CAMTA1: variants seen among roughly 807,000 people sequenced by gnomAD.
CAMTA1 encodes the protein calmodulin-binding transcription activator 1.
In CAMTA1, 27 loss-of-function variants were observed where a neutral mutation model predicts 170.9. The observed-to-expected ratio is 0.16, with a 90% CI of 0.12 to 0.22. CAMTA1 has a LOEUF of 0.22. Ranked by LOEUF, CAMTA1 falls within the 10% of genes least tolerant of loss-of-function variation. The pLI, the probability that CAMTA1 is intolerant of heterozygous loss-of-function variation, is 1.00. For missense variants in CAMTA1, 1,619 were observed against 2,217.2 expected (o/e 0.73, Z 5.42); for synonymous variants, 833 against 891.5 (o/e 0.93, Z 1.17).
intron 3 of CAMTA1, among the ~76,000 whole-genome samples, chr1:6,949,390 C>A (rs1483399227): frequency 6.6e-6 from 1 of 152,236 alleles, no homozygotes; most frequent in African/African-American, 2.4e-5. Context: ...GCAGGGGGTC[C>A]CCATTCTATA....
At chr1:7,745,114 C>A in intron 17 of CAMTA1, 92 bp downstream of exon 17, 1 of 1,179,354 alleles carries the variant, frequency 8.5e-7, no homozygotes, top group South Asian at 1.5e-5. Flanking sequence ...AATGCCGTGT[C>A]ATAGAAGACC....
chr1:6,824,596 A>G (rs1466000904), intron 2 of CAMTA1, among the ~76,000 whole-genome samples: 7 of 152,140 alleles, frequency 4.6e-5, no homozygotes, highest in Admixed American at 3.9e-4. Context: ...TTATATTTAT[A>G]AGATTTGTGA....
intron 3 of CAMTA1, among the ~76,000 whole-genome samples, chr1:6,925,153 A>G (rs972082071): frequency 2.0e-5 from 3 of 152,156 alleles, no homozygotes; most frequent in Non-Finnish European, 4.4e-5. Context: ...GAGCATGGGG[A>G]CTTGGAGAAG....
chr1:7,506,473 T>C (rs2094112414), intron 6 of CAMTA1, among the ~76,000 whole-genome samples: 1 of 151,244 alleles, frequency 6.6e-6, no homozygotes, highest in African/African-American at 2.4e-5. Context: ...ATACTAACAC[T>C]CAAAATTCAC....
At chr1:7,027,774 A>G (rs981798155) in intron 3 of CAMTA1, among the ~76,000 whole-genome samples, 5 of 152,208 alleles carry the variant, frequency 3.3e-5, no homozygotes, top group Admixed American at 6.5e-5. Context: ...GGATGCAGCC[A>G]TCTGTCTTCC....
At chr1:7,472,190 G>C (rs575215971) in intron 6 of CAMTA1, among the ~76,000 whole-genome samples, 1 of 152,198 alleles carries the variant, frequency 6.6e-6, no homozygotes, top group Admixed American at 6.5e-5. Context: ...GCAAGAGCAC[G>C]GCTGCGGGGA....
chr1:6,820,074 T>G, intron 1 of CAMTA1, 107 bp from the exon 2 acceptor site: 1 of 711,240 alleles, frequency 1.4e-6, no homozygotes, highest in Admixed American at 2.0e-5. Context: ...GTCTGATGTT[T>G]CCTCATGATT....
chr1:7,439,784 G>A (rs1176509629), intron 5 of CAMTA1, among the ~76,000 whole-genome samples: 1 of 152,238 alleles, frequency 6.6e-6, no homozygotes, highest in Middle Eastern at 3.2e-3. Flanking sequence ...ATGAAGGGGT[G>A]AAGGGAGGGA....
chr1:7,756,743 G>C (rs942169769), intron 22 of CAMTA1, among the ~76,000 whole-genome samples: 5 of 152,188 alleles, frequency 3.3e-5, no homozygotes, highest in South Asian at 4.1e-4. Flanking sequence ...AGCTACTCCG[G>C]AGACTGAGGT....
intron 11 of CAMTA1, among the ~76,000 whole-genome samples, chr1:7,723,492 T>C (rs1286076886): frequency 6.6e-6 from 1 of 152,184 alleles, no homozygotes; most frequent in East Asian, 1.9e-4. Context: ...AAATAATATA[T>C]GTAGATACTC....
intron 5 of CAMTA1, among the ~76,000 whole-genome samples, chr1:7,328,271 C>T (rs1320874088): frequency 5.3e-5 from 8 of 152,156 alleles, no homozygotes; most frequent in African/African-American, 9.6e-5. Context: ...CTGAGGCAGG[C>T]GGATTGAGCT....
chr1:7,280,819 A>G (rs1428650998), intron 5 of CAMTA1, among the ~76,000 whole-genome samples: 1 of 152,272 alleles, frequency 6.6e-6, no homozygotes, highest in African/African-American at 2.4e-5. Flanking sequence ...CTGGAAGGAT[A>G]GGAATTGTCA....
chr1:7,558,978 C>G (rs551813368), intron 6 of CAMTA1, among the ~76,000 whole-genome samples: 6 of 152,322 alleles, frequency 3.9e-5, no homozygotes, highest in Admixed American at 2.6e-4. Flanking sequence ...GGACCCCCGT[C>G]CCCCCTGCCT....
In CAMTA1 at chr1:6,823,285, G is replaced by A. The variant is rs552626941; in HGVS notation, c.116-1807G>A. Reference sequence around the variant, plus strand: ...CCCTCGGGAGGATGAAGTGCAGGGAGCATAAGCACATAAGATTACCGAGGT... The same window carrying A: ...CCCTCGGGAGGATGAAGTGCAGGGAACATAAGCACATAAGATTACCGAGGT... On this transcript the variant is annotated intron_variant, in intron 2 of 22. Transcript: ENST00000303635. Among the ~76,000 whole-genome samples the A allele has an allele frequency of 3.9e-5, 6 of 152,268 alleles. No individual in the cohort carries two copies. In the South Asian group the frequency reaches 1.2e-3, roughly 32 times the overall value.
At chr1:7,679,854 C>G (rs563165226) in intron 11 of CAMTA1, among the ~76,000 whole-genome samples, 2 of 152,238 alleles carry the variant, frequency 1.3e-5, no homozygotes, top group Non-Finnish European at 2.9e-5. Context: ...GAGAGCAGAT[C>G]AGGGCCCTGA....
Position 7,769,253 on chromosome 1 carries a change from G to A in CAMTA1, c.*2762G>A, listed in dbSNP as rs2097041657. The A allele has an allele frequency of 6.5e-6, 1 of 152,778 alleles. No individual in the cohort carries two copies. Among genetic ancestry groups the A allele is most frequent in the African/African-American group, 2.4e-5 (1 of 41,466 alleles). The allele number at this position is 152,778 out of a possible 1,614,324, so 9.5% of individuals were successfully genotyped here. On this transcript the variant is annotated 3_prime_UTR_variant, in exon 23 of 23. Transcript: ENST00000303635. ...CTTAATTTCGAATATAAGATGATAG[G>A]TAAGCGCAGCTTTCTTGGATAATCT...
intron 4 of CAMTA1, among the ~76,000 whole-genome samples, chr1:7,104,210 C>G (rs1268019798): frequency 6.6e-6 from 1 of 151,768 alleles, no homozygotes; most frequent in Non-Finnish European, 1.5e-5. Context: ...CAACTACACA[C>G]ATGTACACAC....
chr1:7,330,428 A>T (rs547536742), intron 5 of CAMTA1, among the ~76,000 whole-genome samples: 1 of 152,242 alleles, frequency 6.6e-6, no homozygotes, highest in East Asian at 1.9e-4. Flanking sequence ...CTCCCCTAGC[A>T]TCCTCCTCCT....
chr1:6,820,689 A>G (rs746866655), intron 2 of CAMTA1, among the ~76,000 whole-genome samples: 6 of 152,206 alleles, frequency 3.9e-5, no homozygotes, highest in Non-Finnish European at 7.3e-5. Context: ...GTAAAATGGG[A>G]GTAATTAAGC....
Sources: allele counts gnomAD v4.1 joint callset (sites outside exome capture counted in the v4.1 genomes callset), GRCh38; gene constraint gnomAD v4.1.1; transcripts MANE v1.5; gene names NCBI Gene and HGNC (gene_info 2026-07-23, HGNC 2026-07-21).